The following TAB2 variants were observed in gnomAD, a reference collection of about 807,000 sequenced individuals.
TAB2 encodes TGF-beta-activated kinase 1 and MAP3K7-binding protein 2.
In TAB2, 3 loss-of-function variants were observed where a neutral mutation model predicts 65.0. That is an observed-to-expected ratio of 0.05 (90% CI 0.02 to 0.12). The LOEUF (loss-of-function observed/expected upper bound fraction) is 0.12. Among genes scored for constraint, TAB2 ranks in the 10% least tolerant of loss-of-function variants. The pLI is 1.00. For missense variants in TAB2, 623 were observed against 840.3 expected, an observed-to-expected ratio of 0.74 and a Z score of 3.20; for synonymous variants, 298 against 285.1, an observed-to-expected ratio of 1.05 and a Z score of -0.46.
rs561426221 is a variant in TAB2, at chr6:149,332,615, G to T, written c.-90+14600G>T. Among the ~76,000 whole-genome samples the T allele has an allele frequency of 2.0e-3, 301 of 152,274 alleles. 2 individuals are homozygous for T. The highest frequency in any genetic ancestry group is 6.9e-3 in the African/African-American group (287 of 41,548). ...GCTTTGCCCTAAATCTTTATAAAATGAAGTAACTACATGTTGTGGAAAGGG... is the reference window on the plus strand; with the variant it reads ...GCTTTGCCCTAAATCTTTATAAAATTAAGTAACTACATGTTGTGGAAAGGG... On this transcript the variant is annotated intron_variant, in intron 1 of 6. Coordinates refer to ENST00000637181, the MANE Select transcript of TAB2 (RefSeq NM_001292034.3).
At chr6:149,220,423 C>T (rs1037379970) in intron 1 of TAB2, among the ~76,000 whole-genome samples, 6 of 152,300 alleles carry the variant, frequency 3.9e-5, no homozygotes, top group Middle Eastern at 3.4e-3. Context: ...TGAATACACA[C>T]ACGATTACGG....
chr6:149,231,312 T>G (rs1455185735), intron 1 of TAB2, among the ~76,000 whole-genome samples: 1 of 152,230 alleles, frequency 6.6e-6, no homozygotes, highest in African/African-American at 2.4e-5. Flanking sequence ...CACTTTAATG[T>G]CAGAGACTTT....
intron 1 of TAB2, among the ~76,000 whole-genome samples, chr6:149,337,847 A>ATAGGGATAGGGTGGTAAGCAGT (rs1779981259): frequency 6.6e-6 from 1 of 152,148 alleles, no homozygotes; most frequent in Non-Finnish European, 1.5e-5. Context: ...ATGTTTGATG[A>ATAGGGATAGGGTGGTAAGCAGT]TAGGGATAGG....
chr6:149,248,428 A>AAAGGAAGGAAGGAAGGAAGGAAGGAACG (rs377016044), intron 1 of TAB2, among the ~76,000 whole-genome samples: 1 of 117,248 alleles, frequency 8.5e-6, no homozygotes, highest in African/African-American at 4.1e-5. Context: ...AAAAAGAAAG[A>AAAGGAAGGAAGGAAGGAAGGAAGGAACG]AAGGAAGGAA....
At chr6:149,250,305 C>CT (rs10717615) in intron 1 of TAB2, among the ~76,000 whole-genome samples, 25 of 148,592 alleles carry the variant, frequency 1.7e-4, no homozygotes, top group Admixed American at 2.7e-4. Flanking sequence ...ATTCACCAAA[C>CT]TTTTTTTTTT....
intron 1 of TAB2, among the ~76,000 whole-genome samples, chr6:149,319,414 ACTTG>A (rs1779363509): frequency 6.6e-6 from 1 of 152,236 alleles, no homozygotes; most frequent in South Asian, 2.1e-4. Flanking sequence ...ATAAAGGAAG[ACTTG>A]CTTTTCTTTT....
intron 1 of TAB2, among the ~76,000 whole-genome samples, chr6:149,327,239 A>G (rs1328563576): frequency 6.6e-6 from 1 of 152,150 alleles, no homozygotes; most frequent in Non-Finnish European, 1.5e-5. Context: ...TATAGGCAAG[A>G]TGGTCGTTTT....
At chr6:149,256,643 A>T (rs1018253164) in intron 1 of TAB2, among the ~76,000 whole-genome samples, 1 of 152,194 alleles carries the variant, frequency 6.6e-6, no homozygotes, top group African/African-American at 2.4e-5. Flanking sequence ...AGAAAAATTG[A>T]TTACGCTGGA....
intron 1 of TAB2, among the ~76,000 whole-genome samples, chr6:149,265,533 T>C (rs573944674): frequency 9.9e-5 from 15 of 152,248 alleles, no homozygotes; most frequent in East Asian, 1.9e-4. Context: ...TTTTTGCCCC[T>C]GCTTCCTTAA....
chr6:149,242,201 C>A (rs777041388), intron 1 of TAB2, among the ~76,000 whole-genome samples: 1 of 152,190 alleles, frequency 6.6e-6, no homozygotes, highest in African/African-American at 2.4e-5. Flanking sequence ...GATACCTATT[C>A]CAGTCTTTGG....
chr6:149,353,925 C>T (rs144330811), intron 1 of TAB2, among the ~76,000 whole-genome samples: 2,660 of 152,116 alleles, frequency 0.017, 38 homozygotes, highest in Non-Finnish European at 0.027. Context: ...CATACATACA[C>T]GTATATGTTT....
chr6:149,389,850 G>A (rs1180493883), intron 3 of TAB2, among the ~76,000 whole-genome samples: 1 of 152,058 alleles, frequency 6.6e-6, no homozygotes, highest in Non-Finnish European at 1.5e-5. Context: ...ATAAAGGCCA[G>A]CAAATTATTA....
intron 1 of TAB2, among the ~76,000 whole-genome samples, chr6:149,278,042 C>A (rs1343177259): frequency 6.6e-6 from 1 of 152,192 alleles, no homozygotes; most frequent in Non-Finnish European, 1.5e-5. Flanking sequence ...TAATTTGTCT[C>A]CTGCAGGGAC....
intron 1 of TAB2, among the ~76,000 whole-genome samples, chr6:149,249,123 G>GACACAC (rs1309097852): frequency 2.8e-5 from 4 of 144,222 alleles, no homozygotes; most frequent in African/African-American, 1.1e-4. Context: ...TCTGCACACA[G>GACACAC]ACACACACAC....
intron 1 of TAB2, among the ~76,000 whole-genome samples, chr6:149,239,228 C>T (rs544307641): frequency 7.9e-5 from 12 of 152,324 alleles, no homozygotes; most frequent in African/African-American, 2.4e-4. Flanking sequence ...GTCATATGAT[C>T]GCTTGATAGA....
chr6:149,255,138 C>T (rs1777992036), intron 1 of TAB2: 1 of 152,162 alleles, frequency 6.6e-6, no homozygotes, highest in African/African-American at 2.4e-5. Context: ...GGAGGTGGAG[C>T]CTTTGGAAGG....
intron 1 of TAB2, among the ~76,000 whole-genome samples, chr6:149,270,531 G>C (rs983107142): frequency 1.3e-5 from 2 of 152,066 alleles, no homozygotes; most frequent in Non-Finnish European, 2.9e-5. Flanking sequence ...CAAAAATAAT[G>C]ATAAGTATAT....
intron 1 of TAB2, among the ~76,000 whole-genome samples, chr6:149,363,019 T>G (rs1269207226): frequency 6.6e-6 from 1 of 152,200 alleles, no homozygotes; most frequent in Non-Finnish European, 1.5e-5. Context: ...TTTTTTAAAT[T>G]AAAATTATAC....
chr6:149,330,633 G>T (rs1779754612), intron 1 of TAB2, among the ~76,000 whole-genome samples: 1 of 152,070 alleles, frequency 6.6e-6, no homozygotes, highest in African/African-American at 2.4e-5. Context: ...GAATTGTTTT[G>T]TTTTCTTGTT....
Sources: allele counts gnomAD v4.1 joint callset (sites outside exome capture counted in the v4.1 genomes callset), GRCh38; gene constraint gnomAD v4.1.1; transcripts MANE v1.5; gene names NCBI Gene and HGNC (gene_info 2026-07-23, HGNC 2026-07-21).